Variants in TRPS1 observed in about 807,000 individuals in gnomAD.
The protein encoded by TRPS1 is zinc finger transcription factor Trps1.
In TRPS1, 6 loss-of-function variants were observed where a neutral mutation model predicts 101.2. The observed-to-expected ratio is 0.06, with a 90% CI of 0.03 to 0.12. The LOEUF is 0.12. TRPS1 is among the 10% of genes least tolerant of loss of function. The probability of loss-of-function intolerance (pLI) is 1.00; values close to 1 mark genes in which losing one functional copy is unlikely to be tolerated. For missense variants in TRPS1, 1,363 were observed against 1,567.0 expected (o/e 0.87, Z 2.20); for synonymous variants, 578 against 589.8 (o/e 0.98, Z 0.29).
chr8:115,437,706 G>A (rs1813491275), intron 5 of TRPS1, among the ~76,000 whole-genome samples: 1 of 152,012 alleles, frequency 6.6e-6, no homozygotes, highest in South Asian at 2.1e-4. Context: ...GGATTGGGGG[G>A]GCAGGGGAAA....
chr8:115,653,893 T>C (rs1376936327), intron 1 of TRPS1, among the ~76,000 whole-genome samples: 3 of 152,200 alleles, frequency 2.0e-5, no homozygotes, highest in African/African-American at 7.2e-5. Flanking sequence ...GGAGCTATGC[T>C]CTGAAAGAGC....
At chr8:115,560,487 A>G (rs1201366750) in intron 5 of TRPS1, among the ~76,000 whole-genome samples, 2 of 152,156 alleles carry the variant, frequency 1.3e-5, no homozygotes, top group Non-Finnish European at 2.9e-5. Flanking sequence ...TATTTTGAAC[A>G]TTCCAGGGAA....
intron 5 of TRPS1, among the ~76,000 whole-genome samples, chr8:115,507,619 C>G (rs1815478931): frequency 6.6e-6 from 1 of 152,064 alleles, no homozygotes; most frequent in Admixed American, 6.6e-5. Context: ...AAGCTTCACA[C>G]AGTACAAAAA....
At chr8:115,596,195 C>T (rs1433864765) in intron 4 of TRPS1, among the ~76,000 whole-genome samples, 1 of 151,888 alleles carries the variant, frequency 6.6e-6, no homozygotes, top group Non-Finnish European at 1.5e-5. Context: ...ACAGTCTTGT[C>T]ATCGCATACA....
intron 4 of TRPS1, among the ~76,000 whole-genome samples, chr8:115,598,531 C>G (rs1817839073): frequency 1.3e-5 from 2 of 152,030 alleles, no homozygotes. Context: ...CCAGGCTGAT[C>G]TCAAACTTCT....
intron 5 of TRPS1, among the ~76,000 whole-genome samples, chr8:115,501,027 G>T (rs932535678): frequency 6.6e-6 from 1 of 151,918 alleles, no homozygotes; most frequent in Non-Finnish European, 1.5e-5. Flanking sequence ...TTCGGGGGAG[G>T]GAGCTAAATG....
chr8:115,603,710 A>G (rs1817959762), intron 4 of TRPS1, among the ~76,000 whole-genome samples, 163 bp downstream of exon 4: 1 of 152,200 alleles, frequency 6.6e-6, no homozygotes, highest in Non-Finnish European at 1.5e-5. Flanking sequence ...AGCTGTAACT[A>G]TATCACCTGC....
chr8:115,597,136 G>A (rs1400159391), intron 4 of TRPS1, among the ~76,000 whole-genome samples: 3 of 151,806 alleles, frequency 2.0e-5, no homozygotes, highest in Non-Finnish European at 2.9e-5. Flanking sequence ...ATTTTTGCAC[G>A]TTTCCTAGCA....
chr8:115,425,076 C>G (rs1813155356), intron 5 of TRPS1, among the ~76,000 whole-genome samples: 1 of 152,106 alleles, frequency 6.6e-6, no homozygotes, highest in Non-Finnish European at 1.5e-5. Flanking sequence ...TTGCAATAAA[C>G]ACCTTTAGAT....
At chr8:115,596,922 C>T (rs1164125116) in intron 4 of TRPS1, among the ~76,000 whole-genome samples, 1 of 151,668 alleles carries the variant, frequency 6.6e-6, no homozygotes, top group Non-Finnish European at 1.5e-5. Flanking sequence ...GTTTTTATTC[C>T]GTCAAAATTA....
chr8:115,524,749 T>C (rs939857325), intron 5 of TRPS1, among the ~76,000 whole-genome samples: 24 of 152,184 alleles, frequency 1.6e-4, no homozygotes, highest in Non-Finnish European at 3.2e-4. Context: ...AAAATGGCAT[T>C]AAAATGGAGC....
intron 5 of TRPS1, among the ~76,000 whole-genome samples, chr8:115,543,683 G>A (rs1221895067): frequency 1.3e-5 from 2 of 151,854 alleles, no homozygotes; most frequent in Non-Finnish European, 2.9e-5. Context: ...TTCTTTTTAT[G>A]TACCAGGAGA....
intron 5 of TRPS1, among the ~76,000 whole-genome samples, chr8:115,581,317 G>A (rs1817444726): frequency 1.3e-5 from 2 of 152,088 alleles, no homozygotes; most frequent in South Asian, 2.1e-4. Flanking sequence ...ATAGCTAGAC[G>A]GGAGGAGTAA....
intron 5 of TRPS1, among the ~76,000 whole-genome samples, chr8:115,584,071 A>C (rs1163422584): frequency 6.6e-6 from 1 of 152,074 alleles, no homozygotes; most frequent in Non-Finnish European, 1.5e-5. Context: ...TGCTGAAAGC[A>C]ACATTTTAAT....
chr8:115,504,375 A>G (rs1815390977), intron 5 of TRPS1, among the ~76,000 whole-genome samples: 1 of 152,184 alleles, frequency 6.6e-6, no homozygotes, highest in African/African-American at 2.4e-5. Flanking sequence ...AGAATGATAC[A>G]TGGGTGGAAC....
intron 5 of TRPS1, among the ~76,000 whole-genome samples, chr8:115,459,835 T>C (rs1276634413): frequency 6.6e-6 from 1 of 152,194 alleles, no homozygotes; most frequent in African/African-American, 2.4e-5. Context: ...GAATGTTGAG[T>C]TATACAAATG....
rs372874620 is a variant in TRPS1, at chr8:115,553,916, A to G, written c.2700+33085T>C. Among the ~76,000 whole-genome samples, 25 of 152,278 alleles carry G rather than the reference A, an allele frequency of 1.6e-4. No homozygotes were observed. The South Asian group carries it at 4.8e-3, about 29-fold the overall frequency. ...CCTCATACAATTAACACTTCAATGA[A>G]TTTATTATCAGGCTCTGATAGCTGA... is the stretch of plus-strand genomic sequence containing the variant. On this transcript the variant is annotated intron_variant, in intron 5 of 6. Coordinates refer to ENST00000395715, the MANE Select transcript of TRPS1 (RefSeq NM_014112.5).
intron 5 of TRPS1, among the ~76,000 whole-genome samples, chr8:115,467,999 T>C (rs1451261971): frequency 6.6e-6 from 1 of 152,218 alleles, no homozygotes; most frequent in Non-Finnish European, 1.5e-5. Context: ...TCTAGATTTT[T>C]CGTGCCTACA....
intron 1 of TRPS1, among the ~76,000 whole-genome samples, chr8:115,636,680 G>C (rs1361878397): frequency 1.3e-5 from 2 of 152,204 alleles, no homozygotes; most frequent in Non-Finnish European, 2.9e-5. Flanking sequence ...TTGGGAGCCT[G>C]AGGCAGGAGG....
Sources: allele counts gnomAD v4.1 joint callset (sites outside exome capture counted in the v4.1 genomes callset), GRCh38; gene constraint gnomAD v4.1.1; transcripts MANE v1.5; gene names NCBI Gene and HGNC (gene_info 2026-07-23, HGNC 2026-07-21).